TMPRSS9: variants seen among roughly 807,000 people sequenced by gnomAD.
TMPRSS9 encodes the protein transmembrane protease serine 9.
In TMPRSS9, 113 loss-of-function variants were observed where a neutral mutation model predicts 111.4. The observed-to-expected ratio is 1.01, with a 90% confidence interval of 0.87 to 1.19. The LOEUF is 1.19. Ranked by LOEUF, TMPRSS9 falls within the 50% of genes most tolerant of loss-of-function variation. The pLI is 0.00. For missense variants in TMPRSS9, 1,803 were observed against 1,513.1 expected (o/e 1.19, Z -3.18); for synonymous variants, 805 against 659.1 (o/e 1.22, Z -3.39).
chr19:2,421,196 G>C (rs1971455093), intron 13 of TMPRSS9, among the ~76,000 whole-genome samples: 2 of 152,062 alleles, frequency 1.3e-5, no homozygotes, highest in South Asian at 4.1e-4. Context: ...ACAAGAGCGA[G>C]ACTCTGCCTC....
chr19:2,405,640 C>A, intron 7 of TMPRSS9, 95 bp downstream of exon 8: 2 of 1,305,720 alleles, frequency 1.5e-6, no homozygotes, highest in East Asian at 2.8e-5. Flanking sequence ...TTCCTTAGAG[C>A]CCCTGGAAGT....
chr19:2,406,167 C>T lies in TMPRSS9; in HGVS notation c.842+622C>T, dbSNP rs144525326. On this transcript the variant is annotated intron_variant, in intron 7 of 17. Transcript: ENST00000648592. ...CTGGGAATACAGGCGCCCGCCACCA[C>T]GCCCAGCTAATTTAATTTTTTTTTG... Among the ~76,000 whole-genome samples the T allele has an allele frequency of 2.9e-3, 429 of 150,422 alleles. 3 individuals carry two copies. The highest frequency in any genetic ancestry group is 9.4e-3 in the African/African-American group (382 of 40,832).
At chr19:2,379,905 T>C (rs763594863) in intron 1 of TMPRSS9, among the ~76,000 whole-genome samples, 1 of 151,846 alleles carries the variant, frequency 6.6e-6, no homozygotes, top group Non-Finnish European at 1.5e-5. Flanking sequence ...CATGCTACCA[T>C]GCCCAGCTAC....
At position 2,391,580 on chromosome 19, in the gene TMPRSS9, G is replaced by A. The variant is rs144119434; in HGVS notation, c.142+1653G>A. The stretch of plus-strand genomic sequence containing the variant: ...TTTGTGCATGCATGTGTGTGTCTGC[G>A]TGTGTATCTATGTGTGCATGCGTGT... On this transcript the variant is annotated intron_variant, in intron 1 of 17. Transcript: ENST00000648592. Among the ~76,000 whole-genome samples, 298 of 135,394 alleles carry A rather than the reference G, an allele frequency of 2.2e-3. 1 individual carries two copies. The highest frequency in any genetic ancestry group is 7.4e-3 in the African/African-American group (281 of 37,788). The allele number at this position is 135,394 out of a possible 152,430, so 88.8% of individuals were successfully genotyped here. A position where few individuals can be genotyped will look rare whatever the true frequency, so the allele number is the denominator to read the frequency against.
intron 6 of TMPRSS9, among the ~76,000 whole-genome samples, chr19:2,404,931 CA>C (rs1044091377): frequency 0.038 from 2,929 of 76,772 alleles, 60 homozygotes; most frequent in East Asian, 0.18. Context: ...GACTCCATCT[CA>C]AAAAAAAAAA....
rs139654284 is a variant in TMPRSS9 at position 2,403,506 on chromosome 19, A to G, written c.670+311A>G. Among the ~76,000 whole-genome samples the G allele has an allele frequency of 2.6e-3, 397 of 152,262 alleles. 1 individual carries two copies. The highest frequency in any genetic ancestry group is 4.1e-3 in the Non-Finnish European group (282 of 68,036). On this transcript the variant is annotated intron_variant, in intron 6 of 17. Transcript: ENST00000648592. Reference sequence around the variant, plus strand: ...ATACCAGGAACTGGAGCTCTGTCCTATAAGCAGTGGGGCGTGGCCACAGGG... The same window carrying G: ...ATACCAGGAACTGGAGCTCTGTCCTGTAAGCAGTGGGGCGTGGCCACAGGG...
In TMPRSS9 at chr19:2,418,421, C is replaced by T. The variant is rs1369607913; in HGVS notation, c.2154+283C>T. On this transcript the variant is annotated intron_variant, in intron 13 of 17. Coordinates refer to ENST00000648592, the Ensembl canonical transcript of TMPRSS9. ...TGGCCTTTCCTTCCATTCCTTCCCT[C>T]CCTCCCTTTCCTTCCCTCCCTCCCC... Among the ~76,000 whole-genome samples the T allele has an allele frequency of 7.1e-5, 3 of 42,210 alleles. 1 individual carries two copies. Among genetic ancestry groups the T allele is most frequent in the African/African-American group, 2.8e-4 (2 of 7,198 alleles). 27.7% of individuals were successfully genotyped at this position (42,210 alleles called of 152,430 possible).
chr19:2,379,673 CTTTCTCTT>C (rs1970370407), intron 1 of TMPRSS9, among the ~76,000 whole-genome samples: 2 of 146,050 alleles, frequency 1.4e-5, no homozygotes, highest in Admixed American at 6.9e-5. Flanking sequence ...TTCTTTCTTT[CTTTCTCTT>C]TTTCTTTCTT....
upstream of TMPRSS9, among the ~76,000 whole-genome samples, chr19:2,388,306 AG>A (rs1378506129): frequency 6.6e-6 from 1 of 152,032 alleles, no homozygotes; most frequent in Non-Finnish European, 1.5e-5. Context: ...GGATCGCTTG[AG>A]CCCAGGAGGT....
chr19:2,425,727 G>T (rs1971607056), intron 17 of TMPRSS9, 200 bp from the exon 19 acceptor site: 1 of 1,141,976 alleles, frequency 8.8e-7, no homozygotes, highest in Non-Finnish European at 1.2e-6. Flanking sequence ...AGGCTGCAGT[G>T]GGAGGCACCG....
intron 2 of TMPRSS9, 99 bp downstream of exon 3, chr19:2,396,765 G>A: frequency 6.8e-7 from 1 of 1,464,990 alleles, no homozygotes; most frequent in Non-Finnish European, 9.1e-7. Flanking sequence ...CAGGCCACAG[G>A]CAACGAAGCT....
Position 2,360,364 on chromosome 19 carries a change from A to T in TMPRSS9, c.-26+4A>T, listed in dbSNP as rs2040874489. On this transcript the variant is annotated splice_donor_region_variant and intron_variant, in intron 1 of 17. Transcript: ENST00000649857. ...GCCCCCACTTCCTCCAACCCCGGTG[A>T]GTCGGGGTCTCCTGCGGGCTCAGCC... Among the ~76,000 whole-genome samples the T allele has an allele frequency of 6.6e-6, 1 of 150,782 alleles. No individual in the cohort carries two copies. Among genetic ancestry groups the T allele is most frequent in the Non-Finnish European group, 1.5e-5 (1 of 67,852 alleles).
chr19:2,416,764 C>G, exon 12 of TMPRSS9: 1 of 1,612,528 alleles, frequency 6.2e-7, no homozygotes, highest in Non-Finnish European at 8.5e-7. Context: ...CCCTGTGGGC[C>G]GGAAGTGCAT....
rs1198996494 is a variant in TMPRSS9 at position 2,426,195 on chromosome 19, G to A, written c.*107G>A. The A allele has an allele frequency of 1.8e-5, 16 of 879,902 alleles. No homozygotes were observed. In the South Asian group the frequency reaches 3.2e-4, roughly 17 times the overall value. The allele number at this position is 879,902 out of a possible 1,614,324, so 54.5% of individuals were successfully genotyped here. ...CCTACCCAAGGACGGGTGTGGGGGGGCTGTGGGTCATGGGGATGCATTTTG... is the reference window on the plus strand; with the variant it reads ...CCTACCCAAGGACGGGTGTGGGGGGACTGTGGGTCATGGGGATGCATTTTG... On this transcript the variant is annotated 3_prime_UTR_variant, in exon 18 of 18. Coordinates refer to ENST00000648592, the Ensembl canonical transcript of TMPRSS9.
At chr19:2,424,933 G>A (rs1971570876) in intron 15 of TMPRSS9, 69 bp from the exon 17 acceptor site, 2 of 1,365,916 alleles carry the variant, frequency 1.5e-6, no homozygotes, top group Non-Finnish European at 9.4e-7. Flanking sequence ...GGCCGCTGGG[G>A]GACACCACAG....
In TMPRSS9 at chr19:2,416,411, C is replaced by T. The variant is rs555438977; in HGVS notation, c.1746-127C>T. 380 of 1,271,350 alleles carry T rather than the reference C, an allele frequency of 3.0e-4. 2 individuals are homozygous for T. The highest frequency in any genetic ancestry group is 3.8e-4 in the Non-Finnish European group (361 of 944,644). The allele number at this position is 1,271,350 out of a possible 1,614,324, so 78.8% of individuals were successfully genotyped here. A position where few individuals can be genotyped will look rare whatever the true frequency, so the allele number is the denominator to read the frequency against. ...GGTCCTCCTCCCTGGAGCCGAAGGT[C>T]AGAGGATGGTCCTGGGGCCCAGGCA... On this transcript the variant is annotated intron_variant, in intron 11 of 17. Coordinates refer to ENST00000648592, the Ensembl canonical transcript of TMPRSS9.
At position 2,425,184 on chromosome 19, in the gene TMPRSS9, C is replaced by A. The variant is rs370527457; in HGVS notation, c.2900C>A (p.Pro967His). ...GTGCGTCGCAGCCGCCTGGTGCGTCCCATCTGCCTGCCCGAGCCCGCGCCG... is the reference window on the plus strand; with the variant it reads ...GTGCGTCGCAGCCGCCTGGTGCGTCACATCTGCCTGCCCGAGCCCGCGCCG... The change falls in exon 16 of 18, where the codon CCC (proline) becomes CAC (histidine). Residue 967 changes from proline to histidine, a missense_variant. Pro to His is a moderately conservative substitution (Grantham distance 77). Coordinates refer to ENST00000648592, the Ensembl canonical transcript of TMPRSS9. 5.4e-4 allele frequency: 835 copies of A among 1,547,288 alleles called. No homozygotes were observed. Among genetic ancestry groups the A allele is most frequent in the Non-Finnish European group, 7.0e-4 (803 of 1,153,954 alleles).
intron 13 of TMPRSS9, among the ~76,000 whole-genome samples, chr19:2,420,833 G>GT (rs1167476309): frequency 6.6e-6 from 1 of 152,032 alleles, no homozygotes; most frequent in Admixed American, 6.6e-5. Context: ...AGAATAATAG[G>GT]TATTTATAGT....
chr19:2,370,854 C>G (rs1011277959), intron 1 of TMPRSS9, among the ~76,000 whole-genome samples: 16 of 151,940 alleles, frequency 1.1e-4, no homozygotes, highest in African/African-American at 3.6e-4. Flanking sequence ...CCCATCTACT[C>G]GGGAGGCTGA....
Sources: allele counts gnomAD v4.1 joint callset (sites outside exome capture counted in the v4.1 genomes callset), GRCh38; gene constraint gnomAD v4.1.1; transcripts MANE v1.5; gene names NCBI Gene and HGNC (gene_info 2026-07-23, HGNC 2026-07-21).